OTC: variants seen among roughly 807,000 people sequenced by gnomAD.
OTC encodes ornithine transcarbamylase.
Under a neutral mutation model 30.3 loss-of-function variants are expected in OTC, and 3 were observed. That is an observed-to-expected ratio of 0.10 (90% CI 0.05 to 0.26). OTC has a LOEUF of 0.26. Among genes scored for constraint, OTC ranks in the 10% least tolerant of loss-of-function variants. OTC has a pLI of 1.00. For synonymous variants in OTC, 111 were observed against 99.7 expected (o/e 1.11, Z -0.67); for missense variants, 194 against 260.3 (o/e 0.75, Z 1.75).
chrX:38,335,224 G>C, the OTC span, among the ~76,000 whole-genome samples: 16,977 of 111,638 alleles, frequency 0.15, 1,056 homozygotes, highest in Middle Eastern at 0.2. Flanking sequence ...TGGGCAAGCT[G>C]CTTACTCTCT....
At chrX:38,334,610 T>C in the OTC span, among the ~76,000 whole-genome samples, 12 of 112,697 alleles carry the variant, frequency 1.1e-4, no homozygotes, top group African/African-American at 3.2e-4. Context: ...TGTATTTATA[T>C]ATTTGTATGC....
intron 1 of OTC, among the ~76,000 whole-genome samples, chrX:38,357,487 T>C (rs1208671316): frequency 8.8e-6 from 1 of 113,067 alleles, no homozygotes; most frequent in East Asian, 2.8e-4. Context: ...AAAGTCTTTA[T>C]CTCAAATTGT....
At chrX:38,360,797 C>G (rs1176377222) in intron 1 of OTC, among the ~76,000 whole-genome samples, 1 of 112,397 alleles carries the variant, frequency 8.9e-6, no homozygotes, top group Admixed American at 9.5e-5. Context: ...AGCAAAACTT[C>G]ATTGCTAACT....
chrX:38,403,457 A>G lies in OTC; in HGVS notation c.541-161A>G, dbSNP rs772896320. 2.7e-5 allele frequency among the ~76,000 whole-genome samples: 3 copies of G among 112,072 alleles called. No homozygotes were observed. The South Asian group carries it at 1.1e-3, about 42-fold the overall frequency. On this transcript the variant is annotated intron_variant, in intron 5 of 9. Coordinates refer to ENST00000039007, the MANE Select transcript of OTC (RefSeq NM_000531.6). ...ACCACGTTTTTGGGATTGTACATTC[A>G]TATTATTGAGTTGCTCTGTGTAATG...
chrX:38,379,697 C>A (rs1486896816), intron 3 of OTC, among the ~76,000 whole-genome samples: 2 of 109,807 alleles, frequency 1.8e-5, no homozygotes, highest in Non-Finnish European at 3.8e-5. Context: ...TGCAGTGGCG[C>A]GATCTCACTG....
the OTC span, among the ~76,000 whole-genome samples, chrX:38,347,067 AC>A: frequency 8.9e-5 from 10 of 112,570 alleles, no homozygotes; most frequent in African/African-American, 3.2e-4. Flanking sequence ...AGGTTATTCA[AC>A]CAATAAATAG....
intron 3 of OTC, among the ~76,000 whole-genome samples, chrX:38,377,990 C>T (rs773330604): frequency 1.2e-4 from 13 of 109,264 alleles, no homozygotes; most frequent in African/African-American, 4.3e-4. Context: ...GCGCCCGCCA[C>T]CATGCCAGGC....
chrX:38,348,758 C>T (rs1044879950), upstream of OTC, among the ~76,000 whole-genome samples: 4 of 110,303 alleles, frequency 3.6e-5, no homozygotes, highest in African/African-American at 6.6e-5. Flanking sequence ...AGGATGGTCT[C>T]GATCTCCTAA....
the OTC span, among the ~76,000 whole-genome samples, chrX:38,331,430 T>G: frequency 1.3e-4 from 11 of 86,952 alleles, no homozygotes; most frequent in Non-Finnish European, 2.0e-4. Flanking sequence ...ATTTTTTTTT[T>G]GTTTTTTTTT....
At chrX:38,420,231 A>T (rs1057042436) in intron 9 of OTC, among the ~76,000 whole-genome samples, 2 of 111,318 alleles carry the variant, frequency 1.8e-5, no homozygotes, top group African/African-American at 6.5e-5. Flanking sequence ...TCAAGGATTG[A>T]TTTCCTCAAC....
chrX:38,412,466 G>A (rs1368910476), intron 9 of OTC, among the ~76,000 whole-genome samples: 1 of 111,840 alleles, frequency 8.9e-6, no homozygotes, highest in Non-Finnish European at 1.9e-5. Context: ...TTTGGCCATA[G>A]GGATATATGT....
intron 4 of OTC, among the ~76,000 whole-genome samples, chrX:38,397,031 AAC>A (rs2068461269): frequency 9.0e-6 from 1 of 111,408 alleles, no homozygotes; most frequent in African/African-American, 3.3e-5. Context: ...TGCAGATAAA[AAC>A]AATACATATC....
chrX:38,364,201 G>A (rs753008475), intron 1 of OTC, among the ~76,000 whole-genome samples: 13 of 111,254 alleles, frequency 1.2e-4, no homozygotes, highest in South Asian at 3.7e-4. Flanking sequence ...TTTTATTTTC[G>A]TGTATGTTTT....
intron 4 of OTC, among the ~76,000 whole-genome samples, chrX:38,382,023 C>T (rs1288172493): frequency 8.9e-6 from 1 of 111,967 alleles, no homozygotes; most frequent in Non-Finnish European, 1.9e-5. Context: ...TTCAGGGACA[C>T]TGGCTGAGAG....
Position 38,367,297 on chromosome X carries a change from A to G in OTC, c.84A>G (p.Gly28=). Reference sequence around the variant, plus strand: ...TTTAAATCTCTTTTTACAGGTGTGGACAACCACTACAAAATAAAGTGCAGC... The same window carrying G: ...TTTAAATCTCTTTTTACAGGTGTGGGCAACCACTACAAAATAAAGTGCAGC... The part of the protein sequence containing the change: ...HNFMVRNFRC[G]QPLQNKVQLK... The change falls in exon 2 of 10, where the codon GGA becomes GGG. Residue 28 remains glycine (G), a synonymous_variant. Coordinates refer to ENST00000039007, the MANE Select transcript of OTC (RefSeq NM_000531.6). The G allele has an allele frequency of 1.7e-6, 2 of 1,206,664 alleles. No homozygotes were observed. The highest frequency in any genetic ancestry group is 3.0e-5 in the East Asian group (1 of 33,845).
At chrX:38,399,746 C>CA (rs201448001) in intron 4 of OTC, among the ~76,000 whole-genome samples, 283 of 110,317 alleles carry the variant, frequency 2.6e-3, no homozygotes, top group African/African-American at 9.0e-3. Flanking sequence ...GACTCCAACT[C>CA]AAAAAAAACA....
chrX:38,399,883 A>G (rs1423767525), intron 4 of OTC, among the ~76,000 whole-genome samples: 1 of 111,463 alleles, frequency 9.0e-6, no homozygotes, highest in African/African-American at 3.3e-5. Flanking sequence ...TTCTCATGCT[A>G]TAAAATATAG....
the OTC span, among the ~76,000 whole-genome samples, chrX:38,340,472 TG>T: frequency 1.8e-3 from 142 of 78,253 alleles, 1 homozygote; most frequent in African/African-American, 5.9e-3. Flanking sequence ...TTTTTTTTTT[TG>T]TTTTTTTTTT....
chrX:38,409,072 G>C, intron 8 of OTC, 47 bp downstream of exon 8: 20 of 1,146,638 alleles, frequency 1.7e-5, no homozygotes, highest in Non-Finnish European at 2.3e-5. Flanking sequence ...CATTCATGAA[G>C]GCCAGAACCA....
Sources: gnomAD v4.1 joint callset for allele counts (sites outside exome capture counted in the v4.1 genomes callset) on GRCh38, gnomAD v4.1.1 for gene constraint, MANE v1.5 for transcripts, NCBI Gene and HGNC (gene_info 2026-07-23, HGNC 2026-07-21) for gene names.